The following PCDH15 variants were observed in gnomAD, a reference collection of about 807,000 sequenced individuals.
PCDH15 encodes protocadherin related 15, also known as protocadherin-15.
Under a neutral mutation model 178.5 loss-of-function variants are expected in PCDH15, and 129 were observed. That is an observed-to-expected ratio of 0.72 (90% CI 0.63 to 0.84). The LOEUF (loss-of-function observed/expected upper bound fraction) is 0.84, where lower values mean the gene tolerates loss of function less well. Ranked by LOEUF, PCDH15 falls within the 40% of genes least tolerant of loss-of-function variation. The pLI, the probability that PCDH15 is intolerant of heterozygous loss-of-function variation, is 0.00. For synonymous variants in PCDH15, 800 were observed against 732.0 expected, an observed-to-expected ratio of 1.09 and a Z score of -1.50; for missense variants, 2,230 against 2,099.9, an observed-to-expected ratio of 1.06 and a Z score of -1.21.
At chr10:55,511,953 G>T (rs374103996) in intron 2 of PCDH15, among the ~76,000 whole-genome samples, 1 of 152,042 alleles carries the variant, frequency 6.6e-6, no homozygotes, top group Non-Finnish European at 1.5e-5. Flanking sequence ...GAGATTTGGA[G>T]AGAGGGCTTA....
At chr10:55,566,875 C>T (rs368920967) in intron 2 of PCDH15, among the ~76,000 whole-genome samples, 1 of 151,930 alleles carries the variant, frequency 6.6e-6, no homozygotes, top group African/African-American at 2.4e-5. Context: ...AATCTATAGA[C>T]TTAACGCAAT....
In PCDH15 at chr10:54,212,958, C is replaced by G. The variant is rs116041409; in HGVS notation, c.1098+978G>C. ...GCAAATGAGAATATTACTAAAATTGCGGCAACAGTTCAATGAAAAATGCAC... is the reference window on the plus strand; with the variant it reads ...GCAAATGAGAATATTACTAAAATTGGGGCAACAGTTCAATGAAAAATGCAC... On this transcript the variant is annotated intron_variant, in intron 10 of 37. Transcript: ENST00000644397. 9.9e-5 allele frequency among the ~76,000 whole-genome samples: 15 copies of G among 152,146 alleles called. No homozygotes were observed. The South Asian group carries it at 3.1e-3, about 32-fold the overall frequency.
intron 2 of PCDH15, among the ~76,000 whole-genome samples, chr10:55,378,202 T>C (rs1468175489): frequency 2.0e-5 from 3 of 152,042 alleles, no homozygotes; most frequent in South Asian, 2.1e-4. Flanking sequence ...GAACTTAAAG[T>C]ATAATAATAA....
chr10:54,143,490 A>G (rs2043595362), intron 14 of PCDH15, among the ~76,000 whole-genome samples: 1 of 152,166 alleles, frequency 6.6e-6, no homozygotes, highest in East Asian at 1.9e-4. Context: ...AATGCAGGTT[A>G]CTGATAACTT....
intron 3 of PCDH15, among the ~76,000 whole-genome samples, chr10:54,516,459 A>G (rs1269200537): frequency 2.6e-5 from 4 of 152,126 alleles, no homozygotes; most frequent in African/African-American, 7.2e-5. Flanking sequence ...AAAGGGTATC[A>G]GTGATGGAAG....
At chr10:54,134,494 C>G (rs963225452) in intron 14 of PCDH15, among the ~76,000 whole-genome samples, 1 of 152,080 alleles carries the variant, frequency 6.6e-6, no homozygotes, top group Admixed American at 6.5e-5. Flanking sequence ...TGGCTCACAC[C>G]TGTAATCCCA....
At chr10:54,504,725 A>C (rs1333394233) in intron 3 of PCDH15, among the ~76,000 whole-genome samples, 1 of 152,130 alleles carries the variant, frequency 6.6e-6, no homozygotes, top group African/African-American at 2.4e-5. Flanking sequence ...ACATATATAC[A>C]TATATAAATT....
intron 2 of PCDH15, among the ~76,000 whole-genome samples, chr10:54,571,885 T>C (rs1033764431): frequency 6.6e-6 from 1 of 152,148 alleles, no homozygotes; most frequent in Non-Finnish European, 1.5e-5. Context: ...CTAGAGGGAA[T>C]GATGGCAGGA....
chr10:54,384,475 T>G (rs1949681308), intron 3 of PCDH15, among the ~76,000 whole-genome samples: 1 of 152,174 alleles, frequency 6.6e-6, no homozygotes, highest in African/African-American at 2.4e-5. Flanking sequence ...TTCAAAGTTT[T>G]AAATGATTCG....
chr10:54,327,875 G>A (rs1046930660), intron 7 of PCDH15, among the ~76,000 whole-genome samples: 2 of 151,848 alleles, frequency 1.3e-5, no homozygotes, highest in Admixed American at 1.3e-4. Context: ...TTGAGAGGAA[G>A]GTATATACAC....
At chr10:54,748,880 G>A (rs61854090) in intron 1 of PCDH15, among the ~76,000 whole-genome samples, 255 of 152,258 alleles carry the variant, frequency 1.7e-3, no homozygotes, top group Middle Eastern at 6.8e-3. Context: ...GATAAGACGC[G>A]TTGCTCCCTT....
At chr10:53,958,755 T>C (rs1589623076) in intron 23 of PCDH15, among the ~76,000 whole-genome samples, 1 of 151,608 alleles carries the variant, frequency 6.6e-6, no homozygotes, top group South Asian at 2.1e-4. Context: ...CTGAGGCAGG[T>C]GGATCAGGAG....
At chr10:55,257,241 A>C (rs954089582) in intron 1 of PCDH15, among the ~76,000 whole-genome samples, 6 of 152,194 alleles carry the variant, frequency 3.9e-5, no homozygotes, top group Non-Finnish European at 8.8e-5. Context: ...CCATCATCAA[A>C]GACCAAAGGT....
At chr10:55,483,143 TA>T (rs1278879726) in intron 2 of PCDH15, among the ~76,000 whole-genome samples, 8 of 151,804 alleles carry the variant, frequency 5.3e-5, no homozygotes. Context: ...AAATGATATC[TA>T]ATTAAAGAGT....
At chr10:54,281,706 C>T (rs138754748) in intron 8 of PCDH15, among the ~76,000 whole-genome samples, 1 of 151,964 alleles carries the variant, frequency 6.6e-6, no homozygotes, top group African/African-American at 2.4e-5. Context: ...TAACAGGTGA[C>T]AAGAGAGCTC....
chr10:53,866,367 G>A (rs1177755323), intron 27 of PCDH15, among the ~76,000 whole-genome samples: 1 of 151,194 alleles, frequency 6.6e-6, no homozygotes, highest in Non-Finnish European at 1.5e-5. Context: ...TACCTTTGCT[G>A]TTACAATCAT....
chr10:54,354,367 A>G (rs1440530512), intron 5 of PCDH15, among the ~76,000 whole-genome samples: 1 of 152,238 alleles, frequency 6.6e-6, no homozygotes, highest in South Asian at 2.1e-4. Context: ...GTACATGCTT[A>G]AAGTAAAAAG....
In PCDH15 at chr10:55,133,104, G is replaced by A. The variant is rs114605389; in HGVS notation, c.-80+33472C>T. 5.4e-3 allele frequency among the ~76,000 whole-genome samples: 828 copies of A among 152,172 alleles called. 5 individuals carry two copies. The highest frequency in any genetic ancestry group is 0.019 in the African/African-American group (778 of 41,522). ...TTGATTGATGCTTGATCATTCACTG[G>A]CTCTGTGAACTTGAAAAAGGAACTG... is the stretch of plus-strand genomic sequence containing the variant. On this transcript the variant is annotated intron_variant, in intron 2 of 5. Transcript: ENST00000458638.
intron 10 of PCDH15, among the ~76,000 whole-genome samples, chr10:54,210,519 T>C (rs1013244206): frequency 1.3e-5 from 2 of 151,994 alleles, no homozygotes; most frequent in African/African-American, 4.8e-5. Context: ...GCCAAAAGGC[T>C]GCAAAAAAGC....
Sources: gnomAD v4.1 joint callset for allele counts (sites outside exome capture counted in the v4.1 genomes callset) on GRCh38, gnomAD v4.1.1 for gene constraint, MANE v1.5 for transcripts, NCBI Gene and HGNC (gene_info 2026-07-23, HGNC 2026-07-21) for gene names.